DNAH9: variants seen among roughly 807,000 people sequenced by gnomAD.
DNAH9 encodes DNAH9 variant protein.
Under a neutral mutation model 471.6 loss-of-function variants are expected in DNAH9, and 345 were observed. The observed-to-expected ratio is 0.73, with a 90% confidence interval of 0.67 to 0.80. The LOEUF is 0.80. Ranked by LOEUF, DNAH9 falls within the 30% of genes least tolerant of loss-of-function variation. The pLI, the probability that DNAH9 is intolerant of heterozygous loss-of-function variation, is 0.00. For synonymous variants in DNAH9, 2,093 were observed against 2,123.6 expected (o/e 0.99, Z 0.40); for missense variants, 5,407 against 5,609.2 (o/e 0.96, Z 1.15).
chr17:11,942,972 T>C (rs1974986361), intron 67 of DNAH9, among the ~76,000 whole-genome samples: 1 of 148,040 alleles, frequency 6.8e-6, no homozygotes, highest in Non-Finnish European at 1.5e-5. Flanking sequence ...CTCGGCTCAC[T>C]GCAAGCTCCA....
intron 48 of DNAH9, among the ~76,000 whole-genome samples, chr17:11,824,357 G>A (rs1970415935): frequency 1.3e-5 from 2 of 152,070 alleles, no homozygotes; most frequent in Non-Finnish European, 2.9e-5. Context: ...AGTATTAAAT[G>A]TACCTAAAGG....
chr17:11,745,567 G>A lies in DNAH9; in HGVS notation c.6399+483G>A, dbSNP rs1020568620. ...AGATATTGAAGAAACCCGACAACAC[G>A]CAAGATAAAGACAGATGGACAGACA... On this transcript the variant is annotated intron_variant, in intron 31 of 68. Coordinates refer to ENST00000262442, the MANE Select transcript of DNAH9 (RefSeq NM_001372.4). 4.6e-5 allele frequency among the ~76,000 whole-genome samples: 7 copies of A among 152,172 alleles called. No homozygotes were observed. In the East Asian group the frequency reaches 7.7e-4, roughly 17 times the overall value.
chr17:11,689,683 T>C lies in DNAH9; in HGVS notation c.3861T>C (p.Pro1287=), dbSNP rs1436362771. ...CCAGCTTATTTGAAGTCAATGTCCC[T>C]GACTATAAGCAGCTGAGGCAGTGCA... ...ESASLFEVNV[P]DYKQLRQCRK... The change falls in exon 20 of 69, where the codon CCT becomes CCC. Residue 1287 remains proline (P), a synonymous_variant. Transcript: ENST00000262442. 6.8e-6 allele frequency: 11 copies of C among 1,614,020 alleles called. No individual in the cohort carries two copies. The highest frequency in any genetic ancestry group is 8.5e-6 in the Non-Finnish European group (10 of 1,180,032).
At chr17:11,920,884 T>C (rs1253087154) in intron 61 of DNAH9, among the ~76,000 whole-genome samples, 1 of 152,122 alleles carries the variant, frequency 6.6e-6, no homozygotes, top group Non-Finnish European at 1.5e-5. Context: ...CTCATGCCTG[T>C]AATCCCAGCA....
chr17:11,711,957 T>A lies in DNAH9; in HGVS notation c.5552+6772T>A, dbSNP rs535864534. Reference sequence around the variant, plus strand: ...ATATATTTGTATATATATTTATATATAAATATATATATTTGTATATATATT... The same window carrying A: ...ATATATTTGTATATATATTTATATAAAAATATATATATTTGTATATATATT... On this transcript the variant is annotated intron_variant, in intron 26 of 68. Coordinates refer to ENST00000262442, the MANE Select transcript of DNAH9 (RefSeq NM_001372.4). Among the ~76,000 whole-genome samples, 2 of 17,716 alleles carry A rather than the reference T, an allele frequency of 1.1e-4. 1 individual carries two copies. The allele number at this position is 17,716 out of a possible 152,430, so 11.6% of individuals were successfully genotyped here.
chr17:11,768,369 A>C, intron 36 of DNAH9, 84 bp from the exon 37 acceptor site: 1 of 1,395,728 alleles, frequency 7.2e-7, no homozygotes, highest in Non-Finnish European at 1.0e-6. Flanking sequence ...TCCTGCCCTG[A>C]CCTTCTATCT....
At position 11,762,758 on chromosome 17, in the gene DNAH9, G is replaced by GTTTTT. The variant is rs111963634; in HGVS notation, c.6996-675_6996-671dup. On this transcript the variant is annotated intron_variant, in intron 35 of 68. Coordinates refer to ENST00000262442, the MANE Select transcript of DNAH9 (RefSeq NM_001372.4). The stretch of plus-strand genomic sequence containing the variant: ...GCACCAAAATTGCCTCTTTAGGTGC[G>GTTTTT]TTTTTTTTTTTGTTTTTTTTTTTTT... 7.6e-3 allele frequency among the ~76,000 whole-genome samples: 715 copies of GTTTTT among 94,652 alleles called. 14 individuals carry two copies. The highest frequency in any genetic ancestry group is 0.021 in the East Asian group (71 of 3,330). The allele number at this position is 94,652 out of a possible 152,430, so 62.1% of individuals were successfully genotyped here.
intron 45 of DNAH9, among the ~76,000 whole-genome samples, chr17:11,818,152 C>T (rs563889809): frequency 2.0e-5 from 3 of 152,294 alleles, no homozygotes; most frequent in South Asian, 2.1e-4. Context: ...TGGGATGGGC[C>T]GGGCGTGGTG....
intron 9 of DNAH9, among the ~76,000 whole-genome samples, chr17:11,638,570 A>G (rs2073206758): frequency 6.6e-6 from 1 of 152,036 alleles, no homozygotes; most frequent in Admixed American, 6.6e-5. Context: ...TATTTTTAGT[A>G]GAGTCAGGGT....
intron 55 of DNAH9, chr17:11,882,803 A>G: frequency 2.4e-6 from 1 of 408,860 alleles, no homozygotes. Context: ...AGGAGTTGGC[A>G]TCTGAGCTAA....
Position 11,617,464 on chromosome 17 carries a change from C to CTGGAAGCTCTGGAGAATGCAGG in DNAH9, c.979_980insGTGGAAGCTCTGGAGAATGCAG (p.Glu327GlyfsTer56). The CTGGAAGCTCTGGAGAATGCAGG allele has an allele frequency of 6.2e-7, 1 of 1,614,222 alleles. No individual in the cohort carries two copies. The highest frequency in any genetic ancestry group is 8.5e-7 in the Non-Finnish European group (1 of 1,180,040). On this transcript the variant is annotated frameshift_variant, in exon 5 of 69. Coordinates refer to ENST00000262442, the MANE Select transcript of DNAH9 (RefSeq NM_001372.4). LOFTEE classifies it high-confidence loss of function. ...GCACCTGATACCGCTCCAGCGCCAC[C>CTGGAAGCTCTGGAGAATGCAGG]TGGAAGCTCTGGAGAATGCAGAATT...
Position 11,933,977 on chromosome 17 carries a change from G to C in DNAH9, c.12395G>C (p.Gly4132Ala). The C allele has an allele frequency of 6.2e-7, 1 of 1,614,140 alleles. No homozygotes were observed. Among genetic ancestry groups the C allele is most frequent in the Non-Finnish European group, 8.5e-7 (1 of 1,180,020 alleles). Residue 4132 changes from glycine to alanine, a missense_variant, in exon 65 of 69, where the codon GGG (glycine) becomes GCG (alanine). Around this residue, in one of 3 missense-constraint regions of DNAH9, gnomAD observed 4,636 missense variants for 4,900.3 expected, o/e 0.95. Coordinates refer to ENST00000262442, the MANE Select transcript of DNAH9 (RefSeq NM_001372.4). ...WDRRLCRTYL[G>A]EFIRPEMLEG... Reference sequence around the variant, plus strand: ...AGAAGACTCTGCAGAACCTACCTGGGGGAATTCATTCGACCAGAAATGTTA... The same window carrying C: ...AGAAGACTCTGCAGAACCTACCTGGCGGAATTCATTCGACCAGAAATGTTA...
chr17:11,923,499 G>A lies in DNAH9; in HGVS notation c.11750-315G>A, dbSNP rs186479219. Among the ~76,000 whole-genome samples, 42 of 152,254 alleles carry A rather than the reference G, an allele frequency of 2.8e-4. No homozygotes were observed. In the East Asian group the frequency reaches 7.9e-3, roughly 29 times the overall value. On this transcript the variant is annotated intron_variant, in intron 61 of 68. Coordinates refer to ENST00000262442, the MANE Select transcript of DNAH9 (RefSeq NM_001372.4). The stretch of plus-strand genomic sequence containing the variant: ...GCTAATTTTTTGTATTTTTAGCAGA[G>A]ATGGGGTTTCACTGTGTTAGCCAGG...
intron 27 of DNAH9, among the ~76,000 whole-genome samples, chr17:11,727,064 A>AC: frequency 6.6e-6 from 1 of 150,792 alleles, no homozygotes; most frequent in Non-Finnish European, 1.5e-5. Context: ...AAAAAAAAAA[A>AC]AAAAAAAAAA....
intron 24 of DNAH9, 127 bp downstream of exon 24, chr17:11,701,374 C>T: frequency 9.5e-7 from 1 of 1,052,304 alleles, no homozygotes; most frequent in Non-Finnish European, 1.4e-6. Context: ...GGCTTGAATC[C>T]CAGACCACTG....
chr17:11,768,608 C>A lies in DNAH9; in HGVS notation c.7326C>A (p.Asp2442Glu). Residue 2442 changes from aspartate (D) to glutamate (E), a missense_variant, in exon 37 of 69, where the codon GAC becomes GAA. Asp to Glu is a conservative substitution (Grantham distance 45, BLOSUM62 2). Around this residue, in one of 3 missense-constraint regions of DNAH9, gnomAD observed 4,636 missense variants for 4,900.3 expected, o/e 0.95. Coordinates refer to ENST00000262442, the MANE Select transcript of DNAH9 (RefSeq NM_001372.4). ...WSKLVPQFEF[D>E]PEMPLQACLV... ...AGCTCGTCCCCCAGTTCGAATTTGA[C>A]CCCGAGATGCCCTTGCAGGTGAGTG... is the stretch of plus-strand genomic sequence containing the variant. 6.2e-7 allele frequency: 1 copy of A among 1,614,060 alleles called. No homozygotes were observed. Among genetic ancestry groups the A allele is most frequent in the South Asian group, 1.1e-5 (1 of 91,072 alleles).
intron 48 of DNAH9, among the ~76,000 whole-genome samples, chr17:11,828,695 A>G (rs1179245349): frequency 6.6e-6 from 1 of 151,866 alleles, no homozygotes; most frequent in Non-Finnish European, 1.5e-5. Context: ...AAACTCTACG[A>G]CTGGTTCACA....
chr17:11,744,347 C>T (rs756521019), intron 30 of DNAH9, among the ~76,000 whole-genome samples: 4 of 152,152 alleles, frequency 2.6e-5, no homozygotes, highest in Admixed American at 6.5e-5. Flanking sequence ...CCAGGGGGTT[C>T]ATATTTGACA....
In DNAH9 at chr17:11,962,703, G is replaced by A. The variant is rs776618601; in HGVS notation, c.13233+447G>A. Among the ~76,000 whole-genome samples, 23 of 152,192 alleles carry A rather than the reference G, an allele frequency of 1.5e-4. No homozygotes were observed. Among genetic ancestry groups the A allele is most frequent in the Non-Finnish European group, 2.9e-4 (20 of 68,002 alleles). ...CTGCTGCTGCTGCTGTGTGTCTGTCGCCCAGGCTGGAGTACAGTGGCACGA... is the reference window on the plus strand; with the variant it reads ...CTGCTGCTGCTGCTGTGTGTCTGTCACCCAGGCTGGAGTACAGTGGCACGA... On this transcript the variant is annotated intron_variant, in intron 68 of 68. Coordinates refer to ENST00000262442, the MANE Select transcript of DNAH9 (RefSeq NM_001372.4). The surrounding 1 kb of genome is among the most constrained non-coding windows in gnomAD (Gnocchi z 4.1).
Sources: allele counts gnomAD v4.1 joint callset (sites outside exome capture counted in the v4.1 genomes callset), GRCh38; gene constraint gnomAD v4.1.1; regional missense constraint gnomAD v4.1.1; non-coding constraint Gnocchi (gnomAD v3.1); transcripts MANE v1.5; gene names NCBI Gene and HGNC (gene_info 2026-07-23, HGNC 2026-07-21).